Variants in KLKB1 observed in about 807,000 individuals in gnomAD.
KLKB1 encodes plasma kallikrein.
In KLKB1, 58 loss-of-function variants were observed where a neutral mutation model predicts 73.6. That is an observed-to-expected ratio of 0.79 (90% confidence interval 0.64 to 0.98). The LOEUF is 0.98. Among genes scored for constraint, KLKB1 ranks in the 50% least tolerant of loss-of-function variants. KLKB1 has a pLI of 0.00. For missense variants in KLKB1, 737 were observed against 763.8 expected, an observed-to-expected ratio of 0.96 and a Z score of 0.41; for synonymous variants, 280 against 258.1, an observed-to-expected ratio of 1.08 and a Z score of -0.81.
intron 4 of KLKB1, among the ~76,000 whole-genome samples, chr4:186,235,911 C>T (rs563156938): frequency 3.3e-5 from 5 of 151,524 alleles, no homozygotes; most frequent in African/African-American, 4.8e-5. Flanking sequence ...GTCAGGAGAT[C>T]GAGACCATCC....
chr4:186,235,465 C>A (rs1369712543), intron 4 of KLKB1, among the ~76,000 whole-genome samples: 3 of 152,056 alleles, frequency 2.0e-5, no homozygotes, highest in Non-Finnish European at 4.4e-5. Flanking sequence ...TTGTAAGAGT[C>A]GCATCCCAAC....
chr4:186,236,773 T>G lies in KLKB1; in HGVS notation c.329-8T>G. ...ACTGTATTTGCTCTATGTATTTTTC[T>G]TGTACAGCTTGCCATCGAGACATTT... is the stretch of plus-strand genomic sequence containing the variant. On this transcript the variant is annotated splice_region_variant and splice_polypyrimidine_tract_variant and intron_variant, in intron 4 of 14. Coordinates refer to ENST00000264690, the MANE Select transcript of KLKB1 (RefSeq NM_000892.5). 6.2e-7 allele frequency: 1 copy of G among 1,613,846 alleles called. No homozygotes were observed. Among genetic ancestry groups the G allele is most frequent in the Non-Finnish European group, 8.5e-7 (1 of 1,179,748 alleles).
Position 186,257,746 on chromosome 4 carries a change from T to A in KLKB1, c.1726-275T>A, listed in dbSNP as rs560311434. Among the ~76,000 whole-genome samples, 480 of 52,690 alleles carry A rather than the reference T, an allele frequency of 9.1e-3. 3 individuals carry two copies. The highest frequency in any genetic ancestry group is 0.023 in the African/African-American group (455 of 19,438). The allele number at this position is 52,690 out of a possible 152,430, so 34.6% of individuals were successfully genotyped here. A position where few individuals can be genotyped will look rare whatever the true frequency, so the allele number is the denominator to read the frequency against. ...TTGGAGAACTTTAAGAAAGAGTGAG[T>A]GTGTGTGTGTGTGTGTGTGTGTGTG... On this transcript the variant is annotated intron_variant, in intron 14 of 14. Transcript: ENST00000264690.
intron 3 of KLKB1, among the ~76,000 whole-genome samples, chr4:186,232,591 G>A (rs1737451239): frequency 6.6e-6 from 1 of 152,096 alleles, no homozygotes. Flanking sequence ...TTGGGCTAAG[G>A]GATTGTCTCA....
chr4:186,221,036 A>T (rs1001816124), intron 2 of KLKB1, among the ~76,000 whole-genome samples: 1 of 152,210 alleles, frequency 6.6e-6, no homozygotes, highest in East Asian at 1.9e-4. Flanking sequence ...CAGTCTTGGT[A>T]GGTTGTATGT....
At chr4:186,252,730 C>G (rs1042264833) in intron 11 of KLKB1, among the ~76,000 whole-genome samples, 1 of 149,334 alleles carries the variant, frequency 6.7e-6, no homozygotes, top group Non-Finnish European at 1.5e-5. Flanking sequence ...GATCCCGCCA[C>G]CAACCACCAA....
chr4:186,254,807 TTGA>T, intron 12 of KLKB1, 44 bp downstream of exon 12: 1 of 1,527,848 alleles, frequency 6.5e-7, no homozygotes, highest in Non-Finnish European at 9.1e-7. Context: ...ATTGCGCTGG[TTGA>T]TATTTTCATA....
intron 11 of KLKB1, among the ~76,000 whole-genome samples, 183 bp downstream of exon 11, chr4:186,252,368 T>C (rs1033752608): frequency 6.6e-6 from 1 of 152,182 alleles, no homozygotes; most frequent in South Asian, 2.1e-4. Context: ...GAACAGAGTG[T>C]GGTCTCTGTA....
At chr4:186,224,324 A>G (rs1012692713), upstream of KLKB1, among the ~76,000 whole-genome samples, 11 of 151,810 alleles carry the variant, frequency 7.2e-5, no homozygotes, top group Non-Finnish European at 1.3e-4. Flanking sequence ...CATCTTCCAG[A>G]TGCCAGAATG....
chr4:186,229,605 T>C (rs547947204), intron 2 of KLKB1, among the ~76,000 whole-genome samples: 1 of 152,244 alleles, frequency 6.6e-6, no homozygotes, highest in South Asian at 2.1e-4. Flanking sequence ...TTTTTGAAGG[T>C]TTTGTGGTGT....
At chr4:186,225,423 C>CTTTT (rs35336018), upstream of KLKB1, among the ~76,000 whole-genome samples, 3 of 106,672 alleles carry the variant, frequency 2.8e-5, no homozygotes, top group Non-Finnish European at 5.6e-5. Flanking sequence ...GTGAGGATTT[C>CTTTT]TTTTTTTTTT....
chr4:186,216,010 C>G (rs367994232), intron 2 of KLKB1, among the ~76,000 whole-genome samples: 2 of 152,132 alleles, frequency 1.3e-5, no homozygotes, highest in African/African-American at 4.8e-5. Context: ...TGCAATTGGA[C>G]GGAACCTCAA....
chr4:186,258,320 C>G lies in KLKB1; in HGVS notation c.*108C>G. 2.0e-6 allele frequency: 2 copies of G among 999,284 alleles called. 1 individual carries two copies. Among genetic ancestry groups the G allele is most frequent in the Non-Finnish European group, 3.1e-6 (2 of 645,052 alleles). The allele number at this position is 999,284 out of a possible 1,614,324, so 61.9% of individuals were successfully genotyped here. A position where few individuals can be genotyped will look rare whatever the true frequency, so the allele number is the denominator to read the frequency against. The stretch of plus-strand genomic sequence containing the variant: ...TGGAGAGTGGCATCTTCTTTGCATC[C>G]TAAGGACGAAAAACACAGTGCACTC... On this transcript the variant is annotated 3_prime_UTR_variant, in exon 15 of 15. Transcript: ENST00000264690.
chr4:186,256,983 C>T (rs1739028436), intron 13 of KLKB1, among the ~76,000 whole-genome samples: 1 of 81,866 alleles, frequency 1.2e-5, no homozygotes, highest in African/African-American at 4.9e-5. Flanking sequence ...CTCTTCCTCT[C>T]TCTGTCTCTC....
chr4:186,254,753 G>A lies in KLKB1; in HGVS notation c.1479G>A (p.Leu493=). Residue 493 remains leucine, a synonymous_variant, in exon 12 of 15, where the codon TTG becomes TTA. Coordinates refer to ENST00000264690, the MANE Select transcript of KLKB1 (RefSeq NM_000892.5). The part of the protein sequence containing the change: ...DIALIKLQAP[L]NYTEFQKPIC... ...CCTTGATAAAACTCCAGGCTCCTTT[G>A]AATTACACTGGTATGTAGCATATGT... 6.2e-7 allele frequency: 1 copy of A among 1,612,680 alleles called. No individual in the cohort carries two copies. The highest frequency in any genetic ancestry group is 8.5e-7 in the Non-Finnish European group (1 of 1,178,748).
intron 7 of KLKB1, 52 bp downstream of exon 7, chr4:186,250,454 C>T: frequency 1.3e-6 from 2 of 1,578,894 alleles, no homozygotes; most frequent in South Asian, 2.2e-5. Flanking sequence ...ATGGGGAGCA[C>T]TTGCTGCTGT....
At chr4:186,248,212 C>T (rs767753274) in intron 6 of KLKB1, among the ~76,000 whole-genome samples, 2 of 151,862 alleles carry the variant, frequency 1.3e-5, no homozygotes, top group Non-Finnish European at 2.9e-5. Context: ...TGCGCCACTG[C>T]ACTCCAGCCT....
chr4:186,238,247 C>G lies in KLKB1; in HGVS notation c.489-9C>G. On this transcript the variant is annotated splice_polypyrimidine_tract_variant and intron_variant, in intron 5 of 14. Transcript: ENST00000264690. ...AGAAAGCAAAGTAACCTCTTTTCTT[C>G]CCATTCAGGAACAATTGCCTATTAA... The G allele has an allele frequency of 1.3e-6, 2 of 1,581,866 alleles. No individual in the cohort carries two copies. Among genetic ancestry groups the G allele is most frequent in the Non-Finnish European group, 1.7e-6 (2 of 1,150,746 alleles).
chr4:186,232,228 C>T lies in KLKB1; in HGVS notation c.160C>T (p.His54Tyr). 1 of 1,614,088 alleles carries T rather than the reference C, an allele frequency of 6.2e-7. No homozygotes were observed. Among genetic ancestry groups the T allele is most frequent in the Non-Finnish European group, 8.5e-7 (1 of 1,179,942 alleles). The change falls in exon 3 of 15, where the codon CAC (histidine) becomes TAC (tyrosine). Residue 54 changes from histidine to tyrosine, a missense_variant. Physicochemically the swap from His to Tyr is moderately conservative, Grantham distance 83 (BLOSUM62 2). Transcript: ENST00000264690. Reference protein sequence around the residue: ...AQYCQMRCTFHPRCLLFSFLP... With the variant: ...AQYCQMRCTFYPRCLLFSFLP... ...ATACTGCCAGATGAGGTGCACATTC[C>T]ACCCAAGGTGTTTGCTATTCAGTTT... is the stretch of plus-strand genomic sequence containing the variant.
Sources: allele counts gnomAD v4.1 joint callset (sites outside exome capture counted in the v4.1 genomes callset), GRCh38; gene constraint gnomAD v4.1.1; transcripts MANE v1.5; gene names NCBI Gene and HGNC (gene_info 2026-07-23, HGNC 2026-07-21).